Variants in ANKRD44 observed in about 807,000 individuals in gnomAD.
ANKRD44 encodes serine/threonine-protein phosphatase 6 regulatory ankyrin repeat subunit B.
Under a neutral mutation model 116.0 loss-of-function variants are expected in ANKRD44, and 35 were observed. That is an observed-to-expected ratio of 0.30 (90% CI 0.23 to 0.40). The LOEUF (loss-of-function observed/expected upper bound fraction) is 0.40. Among genes scored for constraint, ANKRD44 ranks in the 10% least tolerant of loss-of-function variants. The pLI, the probability that ANKRD44 is intolerant of heterozygous loss-of-function variation, is 1.00. For missense variants in ANKRD44, 1,014 were observed against 1,242.6 expected (o/e 0.82, Z 2.77); for synonymous variants, 435 against 461.8 (o/e 0.94, Z 0.74).
Position 197,121,534 on chromosome 2 carries a change from A to T in ANKRD44, c.704T>A (p.Ile235Asn). Residue 235 changes from isoleucine (I) to asparagine (N), a missense_variant, in exon 8 of 28, where the codon ATC (isoleucine) becomes AAC (asparagine). Coordinates refer to ENST00000282272, the MANE Select transcript of ANKRD44 (RefSeq NM_001195144.2). ...LLNLGVEIDE[I>N]NVYGNTALHI... ...AAGCGCTGTATTTCCATAGACATTG[A>T]TTTCATCAATCTGCAAAAGAGTCCA... 2 of 1,614,024 alleles carry T rather than the reference A, an allele frequency of 1.2e-6. No homozygotes were observed. The highest frequency in any genetic ancestry group is 1.7e-6 in the Non-Finnish European group (2 of 1,179,936).
intron 20 of ANKRD44, among the ~76,000 whole-genome samples, chr2:197,006,418 C>T (rs2076203863): frequency 6.6e-6 from 1 of 152,150 alleles, no homozygotes; most frequent in Non-Finnish European, 1.5e-5. Flanking sequence ...GCACTACGGC[C>T]TGGGCGACAG....
At position 197,139,648 on chromosome 2, in the gene ANKRD44, G is replaced by GATATAGATATAGATATAT. The variant is rs1262162229; in HGVS notation, c.191-2987_191-2986insATATATCTATATCTATAT. Among the ~76,000 whole-genome samples the GATATAGATATAGATATAT allele has an allele frequency of 1.7e-4, 25 of 151,298 alleles. No homozygotes were observed. The East Asian group carries it at 4.5e-3, about 27-fold the overall frequency. ...ATATATAGATATAGATATAGATATA[G>GATATAGATATAGATATAT]ATATATATATAGCAAATATGGCAAA... is the stretch of plus-strand genomic sequence containing the variant. On this transcript the variant is annotated intron_variant, in intron 3 of 27. Coordinates refer to ENST00000282272, the MANE Select transcript of ANKRD44 (RefSeq NM_001195144.2).
Position 197,231,311 on chromosome 2 carries a change from T to G in ANKRD44, c.28-44205A>C, listed in dbSNP as rs141654436. On this transcript the variant is annotated intron_variant, in intron 1 of 27. Transcript: ENST00000282272. ...CAAGTGTGGTGGTGTGTATCTATAG[T>G]GCCAGCTAATTAAGAGGCTGAGGTA... Among the ~76,000 whole-genome samples the G allele has an allele frequency of 3.9e-5, 6 of 152,236 alleles. No homozygotes were observed. The East Asian group carries it at 1.2e-3, about 29-fold the overall frequency.
At chr2:197,012,613 T>C (rs1314674908) in intron 18 of ANKRD44, among the ~76,000 whole-genome samples, 1 of 152,184 alleles carries the variant, frequency 6.6e-6, no homozygotes, top group Non-Finnish European at 1.5e-5. Flanking sequence ...AACCTCTGTA[T>C]TGTTTTTCTT....
At chr2:197,223,183 G>A (rs1881401) in intron 1 of ANKRD44, among the ~76,000 whole-genome samples, 89,241 of 151,896 alleles carry the variant, frequency 0.59, 27,517 homozygotes, top group African/African-American at 0.79. Flanking sequence ...AATGTTACAG[G>A]CACCCATATA....
chr2:197,059,447 T>C (rs920263), intron 16 of ANKRD44, among the ~76,000 whole-genome samples: 128,111 of 152,154 alleles, frequency 0.84, 56,510 homozygotes, highest in East Asian at 1. Context: ...ATAAAATATA[T>C]AACTTTAAAG....
At chr2:197,104,992 A>G (rs1451986656) in intron 9 of ANKRD44, among the ~76,000 whole-genome samples, 2 of 152,224 alleles carry the variant, frequency 1.3e-5, no homozygotes, top group African/African-American at 4.8e-5. Context: ...GCTGTTTACG[A>G]AAAGGGAATC....
At chr2:197,019,443 C>T (rs1194479824) in intron 17 of ANKRD44, among the ~76,000 whole-genome samples, 1 of 152,150 alleles carries the variant, frequency 6.6e-6, no homozygotes, top group Non-Finnish European at 1.5e-5. Context: ...GCATGCATTG[C>T]CTCACTGAAT....
intron 16 of ANKRD44, among the ~76,000 whole-genome samples, chr2:197,066,540 C>CCCAT (rs943116069): frequency 1.2e-3 from 190 of 152,218 alleles, no homozygotes; most frequent in African/African-American, 4.4e-3. Context: ...TTTAGAAAAC[C>CCCAT]CCATCGTCTC....
At chr2:197,017,780 C>T (rs2076419169) in intron 17 of ANKRD44, among the ~76,000 whole-genome samples, 1 of 152,216 alleles carries the variant, frequency 6.6e-6, no homozygotes, top group African/African-American at 2.4e-5. Flanking sequence ...GTTGTTCAGG[C>T]CCCAAACCTT....
chr2:196,974,284 T>C (rs1050029095), intron 21 of ANKRD44, among the ~76,000 whole-genome samples: 3 of 152,088 alleles, frequency 2.0e-5, no homozygotes, highest in East Asian at 1.9e-4. Context: ...GGTTTTGCCA[T>C]GTTGCCTAGG....
chr2:197,006,241 G>C (rs921443900), intron 20 of ANKRD44, among the ~76,000 whole-genome samples: 2 of 152,046 alleles, frequency 1.3e-5, no homozygotes, highest in African/African-American at 2.4e-5. Context: ...AGGAGATCGA[G>C]ACCATCCTGG....
chr2:197,246,541 T>C (rs930994659), intron 1 of ANKRD44, among the ~76,000 whole-genome samples: 1 of 151,684 alleles, frequency 6.6e-6, no homozygotes, highest in Non-Finnish European at 1.5e-5. Context: ...ATCCCTACAA[T>C]GGGACCTTGA....
At position 196,987,527 on chromosome 2, in the gene ANKRD44, CA is replaced by C; in HGVS notation, c.*2063del. The C allele has an allele frequency of 3.3e-5, 33 of 985,404 alleles. No individual in the cohort carries two copies. Among genetic ancestry groups the C allele is most frequent in the Non-Finnish European group, 4.0e-5 (33 of 829,904 alleles). 61.0% of individuals were successfully genotyped at this position (985,404 alleles called of 1,614,324 possible). ...TCAACAGTACAAAGAATAACTAGTG[CA>C]GCAAATCCATTTGATGTTCTTGTTC... On this transcript the variant is annotated 3_prime_UTR_variant, in exon 28 of 28. Transcript: ENST00000282272.
chr2:196,984,431 T>C (rs1352945169), downstream of ANKRD44, among the ~76,000 whole-genome samples: 1 of 152,224 alleles, frequency 6.6e-6, no homozygotes, highest in Non-Finnish European at 1.5e-5. Flanking sequence ...CAGGATGAAA[T>C]TTGCTAAAGA....
At chr2:197,002,687 A>G (rs145217378) in intron 21 of ANKRD44, among the ~76,000 whole-genome samples, 197 of 152,076 alleles carry the variant, frequency 1.3e-3, no homozygotes, top group African/African-American at 4.4e-3. Flanking sequence ...AAGAAGGGTG[A>G]TGGTTCCCCA....
At chr2:197,052,428 T>G (rs773907752) in intron 16 of ANKRD44, among the ~76,000 whole-genome samples, 4 of 152,140 alleles carry the variant, frequency 2.6e-5, no homozygotes, top group Non-Finnish European at 5.9e-5. Flanking sequence ...TTTTTAGATT[T>G]TAATCATCTT....
chr2:197,034,539 C>T (rs2076773405), intron 16 of ANKRD44, among the ~76,000 whole-genome samples: 1 of 148,770 alleles, frequency 6.7e-6, no homozygotes, highest in Non-Finnish European at 1.5e-5. Context: ...TGGTCCTCTG[C>T]CTAAAAAAAA....
chr2:197,250,679 C>A (rs559781199), intron 1 of ANKRD44, among the ~76,000 whole-genome samples: 1 of 152,270 alleles, frequency 6.6e-6, no homozygotes, highest in African/African-American at 2.4e-5. Flanking sequence ...TAGCTAGAGG[C>A]CATTATTATC....
Sources: gnomAD v4.1 joint callset for allele counts (sites outside exome capture counted in the v4.1 genomes callset) on GRCh38, gnomAD v4.1.1 for gene constraint, MANE v1.5 for transcripts, NCBI Gene and HGNC (gene_info 2026-07-23, HGNC 2026-07-21) for gene names.